The following BLTP3B variants were observed in gnomAD, a reference collection of about 807,000 sequenced individuals.
BLTP3B encodes UHRF1 (ICBP90) binding protein 1-like.
At chr12:100,037,141 G>A in the BLTP3B span, 1 of 883,580 alleles carries the variant, frequency 1.1e-6, no homozygotes, top group Non-Finnish European at 1.4e-6. Flanking sequence ...AATAATTATA[G>A]ATTTAAGTAC....
chr12:100,041,679 C>T, the BLTP3B span, among the ~76,000 whole-genome samples: 1 of 152,060 alleles, frequency 6.6e-6, no homozygotes, highest in African/African-American at 2.4e-5. Context: ...TGGTGATCCA[C>T]CCGCCTCGGC....
the BLTP3B span, chr12:100,060,038 A>T: frequency 1.3e-6 from 2 of 1,589,152 alleles, no homozygotes; most frequent in South Asian, 2.3e-5. Context: ...AGGTTGGGAG[A>T]TGGAACTGTG....
chr12:100,115,882 A>G, the BLTP3B span, among the ~76,000 whole-genome samples: 1 of 152,202 alleles, frequency 6.6e-6, no homozygotes, highest in Non-Finnish European at 1.5e-5. Context: ...CACCACATTA[A>G]AAGTAAAATC....
the BLTP3B span, among the ~76,000 whole-genome samples, chr12:100,137,409 T>A: frequency 6.6e-6 from 1 of 152,224 alleles, no homozygotes; most frequent in Non-Finnish European, 1.5e-5. Context: ...AAATCCTGCA[T>A]GTGTTTAACC....
chr12:100,046,469 C>T, the BLTP3B span, among the ~76,000 whole-genome samples: 4 of 151,856 alleles, frequency 2.6e-5, no homozygotes, highest in South Asian at 2.1e-4. Flanking sequence ...AGCAAACTAC[C>T]GCAAGGACAG....
the BLTP3B span, chr12:100,102,680 G>C: frequency 5.6e-6 from 5 of 886,316 alleles, no homozygotes; most frequent in East Asian, 1.4e-4. Flanking sequence ...GACTGAAATA[G>C]AGGCCATTTG....
chr12:100,082,925 TTTAA>T, the BLTP3B span: 22 of 907,920 alleles, frequency 2.4e-5, no homozygotes, highest in Non-Finnish European at 3.6e-5. Context: ...GTAAAGATTT[TTTAA>T]ATAAAATGGT....
chr12:100,073,667 C>T, the BLTP3B span, among the ~76,000 whole-genome samples: 6 of 152,034 alleles, frequency 3.9e-5, no homozygotes, highest in South Asian at 2.1e-4. Flanking sequence ...TAAACACTTC[C>T]GTCAAATAGT....
chr12:100,096,127 C>A, the BLTP3B span, among the ~76,000 whole-genome samples: 350 of 152,100 alleles, frequency 2.3e-3, 8 homozygotes, highest in East Asian at 0.04. Flanking sequence ...GTGGCGGACA[C>A]CTGTGTAATC....
chr12:100,063,781 T>C, the BLTP3B span, among the ~76,000 whole-genome samples: 2 of 150,774 alleles, frequency 1.3e-5, no homozygotes, highest in South Asian at 4.2e-4. Context: ...CAAAAGAATC[T>C]GAACAACAGC....
chr12:100,043,160 A>G, the BLTP3B span, among the ~76,000 whole-genome samples: 11 of 152,242 alleles, frequency 7.2e-5, no homozygotes, highest in Non-Finnish European at 1.5e-5. Flanking sequence ...TAGTGTAAAC[A>G]TGACTTTCAT....
the BLTP3B span, among the ~76,000 whole-genome samples, chr12:100,130,586 C>G: frequency 6.6e-6 from 1 of 152,068 alleles, no homozygotes; most frequent in Admixed American, 6.6e-5. Context: ...CTTTATAGTG[C>G]ATTTCAGTTA....
chr12:100,098,931 T>TAGATAGATAGATAGATAGACAGAC, the BLTP3B span, among the ~76,000 whole-genome samples: 2 of 151,480 alleles, frequency 1.3e-5, no homozygotes, highest in Non-Finnish European at 2.9e-5. Context: ...GATAGATAGA[T>TAGATAGATAGATAGATAGACAGAC]AGACAGACAG....
chr12:100,048,765 AGAGT>A, the BLTP3B span, among the ~76,000 whole-genome samples: 117 of 121,810 alleles, frequency 9.6e-4, no homozygotes, highest in South Asian at 5.6e-3. Context: ...AGAGAGAGTG[AGAGT>A]GAGTGTGTGT....
At chr12:100,105,901 AACAG>A in the BLTP3B span, among the ~76,000 whole-genome samples, 1 of 152,202 alleles carries the variant, frequency 6.6e-6, no homozygotes, top group South Asian at 2.1e-4. Flanking sequence ...CAAGGACATG[AACAG>A]ACATTTTGCA....
At chr12:100,100,361 C>T in the BLTP3B span, among the ~76,000 whole-genome samples, 1 of 151,784 alleles carries the variant, frequency 6.6e-6, no homozygotes, top group Admixed American at 6.6e-5. Context: ...ATTCTCTAAA[C>T]CTTTTCTGGT....
At chr12:100,048,473 T>G in the BLTP3B span, among the ~76,000 whole-genome samples, 1 of 152,026 alleles carries the variant, frequency 6.6e-6, no homozygotes, top group Non-Finnish European at 1.5e-5. Flanking sequence ...CCTCAGATAC[T>G]TAGTGTGTGT....
the BLTP3B span, among the ~76,000 whole-genome samples, chr12:100,114,744 T>C: frequency 6.6e-6 from 1 of 152,228 alleles, no homozygotes; most frequent in Non-Finnish European, 1.5e-5. Flanking sequence ...TAAGTTATTA[T>C]CTGTAACTAA....
the BLTP3B span, chr12:100,059,612 G>A: frequency 4.3e-5 from 61 of 1,430,352 alleles, no homozygotes; most frequent in Non-Finnish European, 5.5e-5. Flanking sequence ...ACTTAGCTCA[G>A]AAATTCTTTT....
Sources: allele counts gnomAD v4.1 joint callset (sites outside exome capture counted in the v4.1 genomes callset), GRCh38; gene constraint gnomAD v4.1.1; transcripts MANE v1.5; gene names NCBI Gene and HGNC (gene_info 2026-07-23, HGNC 2026-07-21).